Variants in TMEM30A observed in about 807,000 individuals in gnomAD.
TMEM30A encodes cell division cycle 50 P4-ATPase accessory subunit A.
In TMEM30A, 24 loss-of-function variants were observed where a neutral mutation model predicts 38.2. The observed-to-expected ratio is 0.63, with a 90% CI of 0.46 to 0.88. TMEM30A has a LOEUF of 0.88. Ranked by LOEUF, TMEM30A falls within the 40% of genes least tolerant of loss-of-function variation. The probability of loss-of-function intolerance (pLI) is 0.00; values close to 1 mark genes in which losing one functional copy is unlikely to be tolerated. For missense variants in TMEM30A, 370 were observed against 458.6 expected, an observed-to-expected ratio of 0.81 and a Z score of 1.77; for synonymous variants, 145 against 161.6, an observed-to-expected ratio of 0.90 and a Z score of 0.78.
intron 1 of TMEM30A, among the ~76,000 whole-genome samples, chr6:75,276,930 T>G (rs1772270525): frequency 6.6e-6 from 1 of 152,162 alleles, no homozygotes; most frequent in African/African-American, 2.4e-5. Flanking sequence ...TTACTATTTC[T>G]TCTGCCTGGA....
rs2149516506 is a variant in TMEM30A at position 75,253,131 on chromosome 6, A to G, written c.*2971T>C. On this transcript the variant is annotated 3_prime_UTR_variant, in exon 7 of 7. Coordinates refer to ENST00000230461, the MANE Select transcript of TMEM30A (RefSeq NM_018247.4). ...CCTCCACCCTCCCCTCAAAATACCC[A>G]TGTTCACAAAGAACAAAACCTTACA... 1 of 152,112 alleles carries G rather than the reference A, an allele frequency of 6.6e-6. No homozygotes were observed. The highest frequency in any genetic ancestry group is 2.1e-4 in the South Asian group (1 of 4,814). 9.4% of individuals were successfully genotyped at this position (152,112 alleles called of 1,614,324 possible).
chr6:75,271,365 T>TA (rs1772166248), intron 1 of TMEM30A, among the ~76,000 whole-genome samples: 1 of 152,174 alleles, frequency 6.6e-6, no homozygotes, highest in Admixed American at 6.5e-5. Context: ...CACTGAATAT[T>TA]AAATTACACA....
At chr6:75,256,901 G>C (rs1771876679) in intron 6 of TMEM30A, 1 of 372,614 alleles carries the variant, frequency 2.7e-6, no homozygotes, top group Non-Finnish European at 5.3e-6. Flanking sequence ...CAGGGCACCA[G>C]TGTACTAGAT....
chr6:75,263,507 A>G lies in TMEM30A; in HGVS notation c.453+1724T>C, dbSNP rs528257600. Among the ~76,000 whole-genome samples the G allele has an allele frequency of 1.2e-3, 178 of 152,368 alleles. 1 individual carries two copies. Among genetic ancestry groups the G allele is most frequent in the Admixed American group, 4.8e-3 (73 of 15,294 alleles). ...GTAGTGACTTGGAACAAAAAAATAAATGAAGTAAATATGTAAAGAAGCACA... is the reference window on the plus strand; with the variant it reads ...GTAGTGACTTGGAACAAAAAAATAAGTGAAGTAAATATGTAAAGAAGCACA... On this transcript the variant is annotated intron_variant, in intron 3 of 6. Transcript: ENST00000230461.
At chr6:75,263,337 T>G (rs888312703) in intron 3 of TMEM30A, among the ~76,000 whole-genome samples, 2 of 152,190 alleles carry the variant, frequency 1.3e-5, no homozygotes, top group Non-Finnish European at 2.9e-5. Context: ...TTACTACAAG[T>G]GCTAATATGA....
At chr6:75,266,591 G>A (rs2149520799) in intron 2 of TMEM30A, among the ~76,000 whole-genome samples, 1 of 152,274 alleles carries the variant, frequency 6.6e-6, no homozygotes, top group Middle Eastern at 3.4e-3. Context: ...ATGAATTTGA[G>A]GTTGACTGCC....
At chr6:75,283,307 A>ATGTGTGTG (rs10545744) in intron 1 of TMEM30A, among the ~76,000 whole-genome samples, 7 of 148,450 alleles carry the variant, frequency 4.7e-5, no homozygotes, top group Admixed American at 4.0e-4. Context: ...ATTTATTAAA[A>ATGTGTGTG]TGTGTGTGTG....
intron 3 of TMEM30A, among the ~76,000 whole-genome samples, chr6:75,261,240 C>G (rs1471612837): frequency 6.6e-6 from 1 of 152,160 alleles, no homozygotes; most frequent in Non-Finnish European, 1.5e-5. Flanking sequence ...AAGAAATGGT[C>G]TATTGCCAAT....
intron 1 of TMEM30A, among the ~76,000 whole-genome samples, chr6:75,269,428 T>G (rs185917503): frequency 6.6e-6 from 1 of 152,240 alleles, no homozygotes; most frequent in South Asian, 2.1e-4. Context: ...TTCTTTCACT[T>G]AGTAATACTC....
At chr6:75,265,744 T>C (rs967987102) in intron 2 of TMEM30A, among the ~76,000 whole-genome samples, 3 of 151,978 alleles carry the variant, frequency 2.0e-5, no homozygotes, top group Admixed American at 1.3e-4. Context: ...TCCCAGAGAC[T>C]AGAGTCTTGC....
chr6:75,261,109 C>G (rs1227597649), intron 3 of TMEM30A, among the ~76,000 whole-genome samples, 198 bp from the exon 4 acceptor site: 1 of 152,160 alleles, frequency 6.6e-6, no homozygotes, highest in Non-Finnish European at 1.5e-5. Context: ...ACTGCCTTAC[C>G]TTTTTAATAT....
chr6:75,283,721 G>C (rs1242322825), intron 1 of TMEM30A, among the ~76,000 whole-genome samples: 1 of 151,522 alleles, frequency 6.6e-6, no homozygotes, highest in Non-Finnish European at 1.5e-5. Flanking sequence ...ATTAATAAAC[G>C]TAGCCTAAAA....
At chr6:75,274,644 C>T (rs1582284197) in intron 1 of TMEM30A, among the ~76,000 whole-genome samples, 1 of 152,192 alleles carries the variant, frequency 6.6e-6, no homozygotes, top group South Asian at 2.1e-4. Flanking sequence ...AGGTTGATTT[C>T]CAGGGTTTCT....
At chr6:75,256,564 C>G (rs943275995) in intron 6 of TMEM30A, among the ~76,000 whole-genome samples, 9 of 151,946 alleles carry the variant, frequency 5.9e-5, no homozygotes, top group African/African-American at 2.2e-4. Context: ...GGTGCTTTTG[C>G]TCTCATTACA....
In TMEM30A at chr6:75,254,070, G is replaced by A. The variant is rs1025230142; in HGVS notation, c.*2032C>T. The stretch of plus-strand genomic sequence containing the variant: ...ATACTCTTCATATTTAGCAACAGGA[G>A]TTCCTTAGAGATCAAACAGCAGAAA... On this transcript the variant is annotated 3_prime_UTR_variant, in exon 7 of 7. Coordinates refer to ENST00000230461, the MANE Select transcript of TMEM30A (RefSeq NM_018247.4). 1 of 152,078 alleles carries A rather than the reference G, an allele frequency of 6.6e-6. No individual in the cohort carries two copies. The highest frequency in any genetic ancestry group is 1.5e-5 in the Non-Finnish European group (1 of 68,002). 9.4% of individuals were successfully genotyped at this position (152,078 alleles called of 1,614,324 possible). A position where few individuals can be genotyped will look rare whatever the true frequency, so the allele number is the denominator to read the frequency against.
chr6:75,267,494 C>T (rs2149521042), intron 2 of TMEM30A, 147 bp downstream of exon 2: 1 of 493,692 alleles, frequency 2.0e-6, no homozygotes, highest in Non-Finnish European at 3.5e-6. Flanking sequence ...GCCAAACACA[C>T]AAAACGATCT....
rs1327430946 is a variant in TMEM30A at position 75,258,844 on chromosome 6, T to A, written c.828A>T (p.Ile276=). Residue 276 remains isoleucine, a synonymous_variant, in exon 6 of 7, where the codon ATA becomes ATT. Transcript: ENST00000230461. ...LPTFRKLYRL[I]ERKSDLHPTL... is the part of the protein sequence containing the mutation. Reference sequence around the variant, plus strand: ...TTGGATGTAAATCACTTTTCCTTTCTATAAGACGATACAACTTGCGAAAAG... The same window carrying A: ...TTGGATGTAAATCACTTTTCCTTTCAATAAGACGATACAACTTGCGAAAAG... 1 of 1,614,000 alleles carries A rather than the reference T, an allele frequency of 6.2e-7. No homozygotes were observed. Among genetic ancestry groups the A allele is most frequent in the Non-Finnish European group, 8.5e-7 (1 of 1,179,906 alleles).
At chr6:75,275,355 C>A (rs1387802065) in intron 1 of TMEM30A, among the ~76,000 whole-genome samples, 3 of 152,172 alleles carry the variant, frequency 2.0e-5, no homozygotes, top group Admixed American at 6.5e-5. Context: ...ACTCTAGTCT[C>A]AACCTTCCCC....
At chr6:75,268,378 T>C (rs1056651184) in intron 1 of TMEM30A, among the ~76,000 whole-genome samples, 1 of 152,232 alleles carries the variant, frequency 6.6e-6, no homozygotes, top group Non-Finnish European at 1.5e-5. Context: ...AATTGTGTGA[T>C]TGCGGACCTT....
Sources: gnomAD v4.1 joint callset for allele counts (sites outside exome capture counted in the v4.1 genomes callset) on GRCh38, gnomAD v4.1.1 for gene constraint, MANE v1.5 for transcripts, NCBI Gene and HGNC (gene_info 2026-07-23, HGNC 2026-07-21) for gene names.